Variants in ARMC3 observed in about 807,000 individuals in gnomAD.
ARMC3 encodes the protein armadillo repeat containing 3, also known as armadillo repeat-containing protein 3.
ARMC3 carries 74 observed loss-of-function variants against 90.3 expected under a neutral mutation model. That is an observed-to-expected ratio of 0.82 (90% CI 0.68 to 0.99). The LOEUF is 0.99. Ranked by LOEUF, ARMC3 falls within the 50% of genes least tolerant of loss-of-function variation. ARMC3 has a pLI of 0.00. For missense variants in ARMC3, 958 were observed against 1,042.8 expected (o/e 0.92, Z 1.12); for synonymous variants, 334 against 361.8 (o/e 0.92, Z 0.87).
intron 7 of ARMC3, among the ~76,000 whole-genome samples, chr10:22,966,312 A>AG (rs1835437088): frequency 1.3e-5 from 2 of 152,376 alleles, no homozygotes; most frequent in East Asian, 3.9e-4. Context: ...GCATTCTGCC[A>AG]AATGAGCTGC....
intron 8 of ARMC3, among the ~76,000 whole-genome samples, chr10:22,980,277 A>G (rs898851435): frequency 6.6e-6 from 1 of 152,164 alleles, no homozygotes; most frequent in Non-Finnish European, 1.5e-5. Flanking sequence ...CATTTTAATC[A>G]CAAAAATAGA....
chr10:22,942,710 C>G (rs1167631810), intron 2 of ARMC3, among the ~76,000 whole-genome samples: 1 of 152,038 alleles, frequency 6.6e-6, no homozygotes, highest in Non-Finnish European at 1.5e-5. Context: ...ATATGTCTAC[C>G]CCATGACTCA....
At chr10:22,993,588 A>G (rs1441073651) in intron 10 of ARMC3, among the ~76,000 whole-genome samples, 1 of 152,200 alleles carries the variant, frequency 6.6e-6, no homozygotes, top group Non-Finnish European at 1.5e-5. Flanking sequence ...GATTCGAGTC[A>G]ATTAAAATAC....
rs528890557 is a variant in ARMC3, at chr10:23,026,350, C to G, written c.2046-4246C>G. On this transcript the variant is annotated intron_variant, in intron 16 of 18. Coordinates refer to ENST00000298032, the MANE Select transcript of ARMC3 (RefSeq NM_173081.5). ...CCCTAAATCCTGTATGAAATACCAG[C>G]AAATCAAATTCAGCAGTATATACAA... Among the ~76,000 whole-genome samples, 3 of 152,108 alleles carry G rather than the reference C, an allele frequency of 2.0e-5. No homozygotes were observed. In the South Asian group the frequency reaches 6.2e-4, roughly 32 times the overall value.
chr10:23,030,843 T>C, intron 17 of ARMC3, 47 bp downstream of exon 17: 1 of 1,583,766 alleles, frequency 6.3e-7, no homozygotes, highest in Non-Finnish European at 8.6e-7. Flanking sequence ...GAAAAAATTT[T>C]AGTGTCATAT....
chr10:22,955,173 A>C (rs1439715077), intron 3 of ARMC3: 1 of 152,216 alleles, frequency 6.6e-6, no homozygotes, highest in East Asian at 1.9e-4. Context: ...TCAAATGCTA[A>C]TCTCTTCCAG....
chr10:22,979,267 G>A (rs919390060), intron 8 of ARMC3, among the ~76,000 whole-genome samples: 3 of 152,154 alleles, frequency 2.0e-5, no homozygotes, highest in African/African-American at 7.2e-5. Context: ...TTTATGATCT[G>A]TGTAATTAAA....
intron 1 of ARMC3, among the ~76,000 whole-genome samples, chr10:22,929,032 A>G (rs1833822846): frequency 1.3e-5 from 2 of 152,034 alleles, no homozygotes; most frequent in African/African-American, 4.8e-5. Context: ...TTCGAGACCA[A>G]CCTGGTCAAT....
At position 23,032,856 on chromosome 10, in the gene ARMC3, C is replaced by T; in HGVS notation, c.2247-5C>T. ...ACCGATTTGATCTCAATGTAATTGA[C>T]ACAGGTATGTAGCAGAAAAAATGGG... On this transcript the variant is annotated splice_region_variant and splice_polypyrimidine_tract_variant and intron_variant, in intron 17 of 18. Transcript: ENST00000298032. 1 of 1,609,242 alleles carries T rather than the reference C, an allele frequency of 6.2e-7. No individual in the cohort carries two copies.
chr10:22,950,674 T>C (rs952902307), intron 3 of ARMC3, among the ~76,000 whole-genome samples: 2 of 152,122 alleles, frequency 1.3e-5, no homozygotes, highest in African/African-American at 4.8e-5. Flanking sequence ...ACCTTGATTA[T>C]CAGGGAGAAA....
intron 8 of ARMC3, among the ~76,000 whole-genome samples, chr10:22,970,374 G>T (rs1588860892): frequency 1.3e-5 from 2 of 152,182 alleles, no homozygotes; most frequent in Admixed American, 1.3e-4. Flanking sequence ...GAAAGCCACA[G>T]AACACTGAGC....
Position 23,037,387 on chromosome 10 carries a change from G to A in ARMC3, c.2527G>A (p.Ala843Thr), listed in dbSNP as rs200309888. The A allele has an allele frequency of 1.1e-5, 17 of 1,613,976 alleles. No individual in the cohort carries two copies. The highest frequency in any genetic ancestry group is 2.7e-5 in the African/African-American group (2 of 75,020). ...GAAGGGAGTGATTGGGGGCCTCCCC[G>A]CTCCTGAGATGTACGTGATTGACCT... ...SRKGVIGGLP[A>T]PEMYVIDLMF... Residue 843 changes from alanine to threonine, a missense_variant, in exon 19 of 19, where the codon GCT (alanine) becomes ACT (threonine). Transcript: ENST00000298032.
At chr10:23,016,608 C>T (rs568809427) in intron 16 of ARMC3, among the ~76,000 whole-genome samples, 1 of 152,292 alleles carries the variant, frequency 6.6e-6, no homozygotes, top group African/African-American at 2.4e-5. Context: ...TTTCCATATG[C>T]ATGAAATGAA....
chr10:22,969,941 C>G (rs1335097611), intron 8 of ARMC3, among the ~76,000 whole-genome samples: 1 of 152,126 alleles, frequency 6.6e-6, no homozygotes, highest in East Asian at 1.9e-4. Flanking sequence ...GTTCCTGGTA[C>G]TAGAGTTCTA....
chr10:22,985,046 ATTTTTTTTTTTTTTTTT>A, intron 10 of ARMC3, among the ~76,000 whole-genome samples: 1 of 83,572 alleles, frequency 1.2e-5, no homozygotes, highest in South Asian at 4.1e-4. Context: ...TTAATTTTTC[ATTTTTTTTTTTTTTTTT>A]TTTTTTTTTT....
chr10:22,965,325 G>A (rs988392611), intron 7 of ARMC3, among the ~76,000 whole-genome samples: 1 of 152,088 alleles, frequency 6.6e-6, no homozygotes, highest in Non-Finnish European at 1.5e-5. Context: ...ATTTTTGCTT[G>A]ATACAAAATT....
At chr10:23,031,007 G>C (rs1249109123) in intron 17 of ARMC3, 2 of 498,210 alleles carry the variant, frequency 4.0e-6, no homozygotes, top group Non-Finnish European at 6.8e-6. Context: ...GCTGGAAATT[G>C]CTTCAAGAAA....
chr10:23,037,425 A>C lies in ARMC3; in HGVS notation c.2565A>C (p.Pro855=), dbSNP rs759939153. 5 of 1,614,124 alleles carry C rather than the reference A, an allele frequency of 3.1e-6. No homozygotes were observed. The East Asian group carries it at 1.1e-4, about 36-fold the overall frequency. ...EMYVIDLMFH[P]GGLMKLRSRE... The stretch of plus-strand genomic sequence containing the variant: ...ACGTGATTGACCTCATGTTCCATCC[A>C]GGTGGACTGATGAAGTTGAGAAGTC... Residue 855 remains proline (P), a synonymous_variant, in exon 19 of 19, where the codon CCA becomes CCC. Coordinates refer to ENST00000298032, the MANE Select transcript of ARMC3 (RefSeq NM_173081.5).
At chr10:22,969,088 C>T (rs78852481) in intron 8 of ARMC3, among the ~76,000 whole-genome samples, 235 of 152,212 alleles carry the variant, frequency 1.5e-3, no homozygotes, top group African/African-American at 5.3e-3. Flanking sequence ...TGTTTGTGAA[C>T]CTGAGAGCAT....
Sources: gnomAD v4.1 joint callset for allele counts (sites outside exome capture counted in the v4.1 genomes callset) on GRCh38, gnomAD v4.1.1 for gene constraint, MANE v1.5 for transcripts, NCBI Gene and HGNC (gene_info 2026-07-23, HGNC 2026-07-21) for gene names.